PDZRN3: variants seen among roughly 807,000 people sequenced by gnomAD.
The protein encoded by PDZRN3 is E3 ubiquitin-protein ligase PDZRN3.
Under a neutral mutation model 85.7 loss-of-function variants are expected in PDZRN3, and 38 were observed. The observed-to-expected ratio is 0.44, with a 90% CI of 0.34 to 0.58. The LOEUF (loss-of-function observed/expected upper bound fraction) is 0.58. Ranked by LOEUF, PDZRN3 falls within the 20% of genes least tolerant of loss-of-function variation. PDZRN3 has a pLI of 0.01. For missense variants in PDZRN3, 1,629 were observed against 1,506.4 expected (o/e 1.08, Z -1.35); for synonymous variants, 759 against 638.0 (o/e 1.19, Z -2.86).
chr3:73,584,227 G>C (rs1559748294), intron 3 of PDZRN3, among the ~76,000 whole-genome samples: 1 of 152,128 alleles, frequency 6.6e-6, no homozygotes, highest in African/African-American at 2.4e-5. Flanking sequence ...CCTTGTTACA[G>C]GAGCATCTTT....
chr3:73,544,613 A>G (rs1391865022), intron 3 of PDZRN3, among the ~76,000 whole-genome samples: 1 of 151,686 alleles, frequency 6.6e-6, no homozygotes, highest in African/African-American at 2.4e-5. Flanking sequence ...TTCAAAGGAC[A>G]CCACTCTGTG....
chr3:73,607,619 C>A (rs918137479), intron 2 of PDZRN3, among the ~76,000 whole-genome samples: 2 of 152,204 alleles, frequency 1.3e-5, no homozygotes, highest in African/African-American at 4.8e-5. Context: ...CTCCTCTTGT[C>A]TTTCCTGATA....
intron 6 of PDZRN3, among the ~76,000 whole-genome samples, chr3:73,390,749 C>T (rs1349506007): frequency 2.0e-5 from 3 of 151,894 alleles, no homozygotes; most frequent in Non-Finnish European, 4.4e-5. Flanking sequence ...ATCTGCTCTT[C>T]CCTTGGGGCT....
intron 3 of PDZRN3, among the ~76,000 whole-genome samples, chr3:73,437,100 G>A (rs960451179): frequency 8.6e-5 from 13 of 150,796 alleles, no homozygotes; most frequent in Non-Finnish European, 1.3e-4. Context: ...GTTTATATGG[G>A]TTATATTAAG....
At chr3:73,480,074 C>A (rs1234365116) in intron 3 of PDZRN3, among the ~76,000 whole-genome samples, 1 of 152,130 alleles carries the variant, frequency 6.6e-6, no homozygotes, top group Non-Finnish European at 1.5e-5. Flanking sequence ...GGGGTAGGAC[C>A]TGAGGCCAGG....
chr3:73,569,390 C>T (rs919727799), intron 3 of PDZRN3: 12 of 1,196,014 alleles, frequency 1.0e-5, no homozygotes, highest in East Asian at 1.2e-4. Context: ...ACATGTGTGC[C>T]GCATACCTGT....
intron 3 of PDZRN3, among the ~76,000 whole-genome samples, chr3:73,540,356 T>A (rs374879183): frequency 9.9e-5 from 15 of 152,224 alleles, no homozygotes; most frequent in African/African-American, 3.4e-4. Context: ...CCAAAAAACA[T>A]GTTTTTGAAT....
intron 3 of PDZRN3, among the ~76,000 whole-genome samples, chr3:73,447,985 G>A (rs1230739374): frequency 6.6e-6 from 1 of 152,136 alleles, no homozygotes; most frequent in Non-Finnish European, 1.5e-5. Flanking sequence ...AGCTTTTCCA[G>A]TAGTAAGGAT....
At chr3:73,463,747 T>C (rs991410303) in intron 3 of PDZRN3, among the ~76,000 whole-genome samples, 1 of 152,186 alleles carries the variant, frequency 6.6e-6, no homozygotes, top group Non-Finnish European at 1.5e-5. Flanking sequence ...CTATTCACAA[T>C]AGCAAAGACA....
At chr3:73,560,440 A>G (rs1415261159) in intron 3 of PDZRN3, among the ~76,000 whole-genome samples, 1 of 152,202 alleles carries the variant, frequency 6.6e-6, no homozygotes, top group Non-Finnish European at 1.5e-5. Context: ...GCTCTGGAGC[A>G]CAATATACAG....
At chr3:73,490,825 C>A (rs911219323) in intron 3 of PDZRN3, among the ~76,000 whole-genome samples, 2 of 152,232 alleles carry the variant, frequency 1.3e-5, no homozygotes, top group African/African-American at 4.8e-5. Context: ...TATCCCTGAA[C>A]TTCAAAGGAA....
intron 3 of PDZRN3, among the ~76,000 whole-genome samples, chr3:73,466,307 C>CTTG (rs1703212171): frequency 6.7e-6 from 1 of 148,226 alleles, no homozygotes; most frequent in Non-Finnish European, 1.5e-5. Context: ...CAGGATAGGA[C>CTTG]TACAAAGAGT....
intron 4 of PDZRN3, 143 bp downstream of exon 4, chr3:73,404,005 G>T: frequency 1.4e-6 from 1 of 694,692 alleles, no homozygotes. Context: ...TCGATTTATT[G>T]CCTCTATAAA....
intron 8 of PDZRN3, among the ~76,000 whole-genome samples, chr3:73,386,573 T>C (rs1312201224): frequency 6.6e-6 from 1 of 152,248 alleles, no homozygotes; most frequent in African/African-American, 2.4e-5. Context: ...CTATAGCCCA[T>C]GGGCTGAATC....
Position 73,555,409 on chromosome 3 carries a change from T to G in PDZRN3, c.918+46945A>C, listed in dbSNP as rs115204309. Among the ~76,000 whole-genome samples, 561 of 152,318 alleles carry G rather than the reference T, an allele frequency of 3.7e-3. 4 individuals are homozygous for G. Among genetic ancestry groups the G allele is most frequent in the African/African-American group, 0.013 (538 of 41,572 alleles). On this transcript the variant is annotated intron_variant, in intron 3 of 9. Coordinates refer to ENST00000263666, the MANE Select transcript of PDZRN3 (RefSeq NM_015009.3). ...GCCAAACTCTGAATCCACAAACCTGTAGGGAGAATCCTAATTTGCAGAGAT... is the reference window on the plus strand; with the variant it reads ...GCCAAACTCTGAATCCACAAACCTGGAGGGAGAATCCTAATTTGCAGAGAT...
chr3:73,383,967 G>C lies in PDZRN3; in HGVS notation c.2599C>G (p.Pro867Ala). Residue 867 changes from proline (P) to alanine (A), a missense_variant, in exon 10 of 10, where the codon CCA (proline) becomes GCA (alanine). Coordinates refer to ENST00000263666, the MANE Select transcript of PDZRN3 (RefSeq NM_015009.3). ...SAYLPSYHHS[P>A]YKHAHIPAHA... The stretch of plus-strand genomic sequence containing the variant: ...GCCGGGATGTGCGCGTGCTTGTATG[G>C]GGAGTGGTGATAGGAGGGCAGGTAG... 1 of 1,597,582 alleles carries C rather than the reference G, an allele frequency of 6.3e-7. No individual in the cohort carries two copies.
At chr3:73,515,938 C>A (rs1406856482) in intron 3 of PDZRN3, among the ~76,000 whole-genome samples, 2 of 152,200 alleles carry the variant, frequency 1.3e-5, no homozygotes, top group Non-Finnish European at 2.9e-5. Context: ...TTTAATGTAT[C>A]CTTTCAGATA....
At chr3:73,551,084 T>C (rs1016529025) in intron 3 of PDZRN3, among the ~76,000 whole-genome samples, 42 of 152,350 alleles carry the variant, frequency 2.8e-4, no homozygotes, top group African/African-American at 1.0e-3. Context: ...CAAGATCACT[T>C]GGAACAAGTA....
chr3:73,424,875 A>G (rs536394158), intron 3 of PDZRN3, among the ~76,000 whole-genome samples: 1 of 152,308 alleles, frequency 6.6e-6, no homozygotes, highest in African/African-American at 2.4e-5. Context: ...AAGTCAGACA[A>G]TACCAAGTGT....
Sources: allele counts gnomAD v4.1 joint callset (sites outside exome capture counted in the v4.1 genomes callset), GRCh38; gene constraint gnomAD v4.1.1; transcripts MANE v1.5; gene names NCBI Gene and HGNC (gene_info 2026-07-23, HGNC 2026-07-21).